MRC2: variants seen among roughly 807,000 people sequenced by gnomAD.
The protein encoded by MRC2 is mannose receptor C-type 2, also known as C-type mannose receptor 2.
A neutral mutation model predicts 206.2 loss-of-function variants in MRC2; 84 were observed. That is an observed-to-expected ratio of 0.41 (90% CI 0.34 to 0.49). The LOEUF (loss-of-function observed/expected upper bound fraction) is 0.49, where lower values mean the gene tolerates loss of function less well. Among genes scored for constraint, MRC2 ranks in the 20% least tolerant of loss-of-function variants. The probability of loss-of-function intolerance (pLI) is 0.31; values close to 1 mark genes in which losing one functional copy is unlikely to be tolerated. For missense variants in MRC2, 1,676 were observed against 2,001.5 expected, an observed-to-expected ratio of 0.84 and a Z score of 3.10; for synonymous variants, 798 against 800.0, an observed-to-expected ratio of 1.00 and a Z score of 0.04.
At chr17:62,688,451 C>G (rs367762623) in intron 21 of MRC2, 48 bp downstream of exon 21, 3 of 1,614,018 alleles carry the variant, frequency 1.9e-6, no homozygotes. Flanking sequence ...ACACTGTCCC[C>G]CCAAATAGCT....
In MRC2 at chr17:62,664,435, A is replaced by G; in HGVS notation, c.119-113A>G. Reference sequence around the variant, plus strand: ...TACCGAGTGATTTAACGTATGAGTGACGGCTCACCATCCTGCACTGGGCAC... The same window carrying G: ...TACCGAGTGATTTAACGTATGAGTGGCGGCTCACCATCCTGCACTGGGCAC... On this transcript the variant is annotated intron_variant, in intron 1 of 29. Transcript: ENST00000303375. This position sits in a 1 kb window ranked among gnomAD's most constrained non-coding sequence, Gnocchi z 4.7. 8.3e-7 allele frequency: 1 copy of G among 1,203,912 alleles called. No individual in the cohort carries two copies. The highest frequency in any genetic ancestry group is 1.2e-6 in the Non-Finnish European group (1 of 857,756). 74.6% of individuals were successfully genotyped at this position (1,203,912 alleles called of 1,614,324 possible). A position where few individuals can be genotyped will look rare whatever the true frequency, so the allele number is the denominator to read the frequency against.
rs765233363 is a variant in MRC2, at chr17:62,689,975, G to A, written c.3655G>A (p.Gly1219Ser). ...WQDGEPQQPG[G>S]CTYVDVDGAW... ...GGACGGGGAGCCGCAGCAGCCGGGG[G>A]GCTGTACCTACGTAGATGTGGACGG... is the stretch of plus-strand genomic sequence containing the variant. Residue 1219 changes from glycine (G) to serine (S), a missense_variant, in exon 25 of 30, where the codon GGC (glycine) becomes AGC (serine). Gly to Ser is a moderately conservative substitution (Grantham distance 56). Transcript: ENST00000303375. 1.2e-6 allele frequency: 2 copies of A among 1,612,710 alleles called. No homozygotes were observed. The highest frequency in any genetic ancestry group is 1.7e-5 in the Admixed American group (1 of 59,984).
At chr17:62,632,124 G>C (rs956328967) in intron 1 of MRC2, among the ~76,000 whole-genome samples, 18 of 152,056 alleles carry the variant, frequency 1.2e-4, no homozygotes, top group Non-Finnish European at 5.9e-5. Flanking sequence ...GGGCCCTGCA[G>C]ATCTGTCACT....
intron 8 of MRC2, among the ~76,000 whole-genome samples, chr17:62,673,257 TG>T (rs1050809857): frequency 1.3e-5 from 2 of 152,112 alleles, no homozygotes; most frequent in Admixed American, 1.3e-4. Flanking sequence ...TACTGCTGGC[TG>T]GGGGCCTGTG....
At chr17:62,632,343 C>CG (rs2088251454) in intron 1 of MRC2, among the ~76,000 whole-genome samples, 1 of 152,154 alleles carries the variant, frequency 6.6e-6, no homozygotes, top group South Asian at 2.1e-4. Flanking sequence ...TCTCTCCTTC[C>CG]GCCGCTGGGC....
In MRC2 at chr17:62,693,092, G is replaced by A. The variant is rs1223957635; in HGVS notation, c.*641G>A. ...GTTGGGCCTGAGAACCAGGGCACGG[G>A]TGTGGTGTCTGCTGGGCTGGAGATA... On this transcript the variant is annotated 3_prime_UTR_variant, in exon 30 of 30. Coordinates refer to ENST00000303375, the MANE Select transcript of MRC2 (RefSeq NM_006039.5). 1 of 153,200 alleles carries A rather than the reference G, an allele frequency of 6.5e-6. No individual in the cohort carries two copies. Among genetic ancestry groups the A allele is most frequent in the Non-Finnish European group, 1.5e-5 (1 of 68,492 alleles). 9.5% of individuals were successfully genotyped at this position (153,200 alleles called of 1,614,324 possible). A position where few individuals can be genotyped will look rare whatever the true frequency, so the allele number is the denominator to read the frequency against.
intron 6 of MRC2, among the ~76,000 whole-genome samples, chr17:62,668,741 C>A (rs1317432786): frequency 6.6e-6 from 1 of 152,074 alleles, no homozygotes; most frequent in Non-Finnish European, 1.5e-5. Context: ...GATGTTTAAG[C>A]CAGGGAGTGT....
At chr17:62,674,528 G>T (rs1041143200) in intron 9 of MRC2, among the ~76,000 whole-genome samples, 9 of 152,180 alleles carry the variant, frequency 5.9e-5, no homozygotes, top group Admixed American at 4.6e-4. Context: ...CCGAAGTGAA[G>T]TGTGGCCCCT....
chr17:62,684,652 T>C (rs150627932), intron 20 of MRC2, among the ~76,000 whole-genome samples: 28 of 152,340 alleles, frequency 1.8e-4, no homozygotes, highest in African/African-American at 6.7e-4. Context: ...GTCATTTTCC[T>C]TGTTATGTGC....
rs1555679428 is a variant in MRC2, at chr17:62,680,509, TG to T, written c.2473+60del. On this transcript the variant is annotated intron_variant, in intron 16 of 29. Transcript: ENST00000303375. This position sits in a 1 kb window ranked among gnomAD's most constrained non-coding sequence, Gnocchi z 4.8. ...ATCGCGTGGGAGAGGGCGTCAACTC[TG>T]GGGTAAGTCCCGAGAGGCCTGAATG... 2.5e-6 allele frequency: 4 copies of T among 1,606,994 alleles called. No individual in the cohort carries two copies. The highest frequency in any genetic ancestry group is 3.4e-6 in the Non-Finnish European group (4 of 1,174,754).
intron 12 of MRC2, 149 bp from the exon 13 acceptor site, chr17:62,678,353 TGC>T: frequency 9.1e-7 from 1 of 1,095,482 alleles, no homozygotes; most frequent in Non-Finnish European, 1.3e-6. Context: ...CCCAGACCTC[TGC>T]AGATGAACAG....
chr17:62,633,746 TG>T (rs2147426203), intron 1 of MRC2, among the ~76,000 whole-genome samples: 1 of 131,908 alleles, frequency 7.6e-6, no homozygotes, highest in South Asian at 2.5e-4. Context: ...CAGGCTGAGA[TG>T]GGAGGATTGC....
intron 1 of MRC2, among the ~76,000 whole-genome samples, chr17:62,656,720 A>G (rs1274117539): frequency 6.6e-6 from 1 of 152,200 alleles, no homozygotes; most frequent in South Asian, 2.1e-4. Context: ...AATAAGGAGA[A>G]TGGGACAGAA....
chr17:62,690,864 G>C, intron 27 of MRC2, 85 bp from the exon 28 acceptor site: 2 of 1,489,402 alleles, frequency 1.3e-6, no homozygotes, highest in Non-Finnish European at 1.8e-6. Flanking sequence ...GGGGGACAGG[G>C]AGTCGGTTCT....
Position 62,664,578 on chromosome 17 carries a change from G to T in MRC2, c.149G>T (p.Gly50Val). 6.2e-7 allele frequency: 1 copy of T among 1,613,202 alleles called. No homozygotes were observed. Among genetic ancestry groups the T allele is most frequent in the Non-Finnish European group, 8.5e-7 (1 of 1,179,852 alleles). ...EPNVFLIFSH[G>V]LQGCLEAQGG... ...AACGTCTTCCTCATCTTCAGCCATG[G>T]ACTGCAGGGCTGCCTGGAGGCCCAG... The change falls in exon 2 of 30, where the codon GGA becomes GTA. Residue 50 changes from glycine (G) to valine (V), a missense_variant. Gly to Val is a moderately radical substitution (Grantham distance 109). Transcript: ENST00000303375. The surrounding 1 kb of genome is among the most constrained non-coding windows in gnomAD (Gnocchi z 4.7).
intron 1 of MRC2, among the ~76,000 whole-genome samples, chr17:62,631,941 G>A (rs928613472): frequency 5.3e-5 from 8 of 152,094 alleles, no homozygotes; most frequent in Non-Finnish European, 1.0e-4. Flanking sequence ...CCTCCCCACC[G>A]TGTCTCCAGT....
chr17:62,672,167 TC>T lies in MRC2; in HGVS notation c.1461+18del, dbSNP rs1568064167. The T allele has an allele frequency of 6.2e-7, 1 of 1,613,560 alleles. No homozygotes were observed. Among genetic ancestry groups the T allele is most frequent in the East Asian group, 2.2e-5 (1 of 44,846 alleles). ...TCTGGGGCCCGGTGAGATCTCCCTC[TC>T]CCTATCACAGGGCCACAAAATACAC... On this transcript the variant is annotated intron_variant, in intron 8 of 29. Coordinates refer to ENST00000303375, the MANE Select transcript of MRC2 (RefSeq NM_006039.5). This position sits in a 1 kb window ranked among gnomAD's most constrained non-coding sequence, Gnocchi z 4.5.
intron 13 of MRC2, 91 bp from the exon 14 acceptor site, chr17:62,679,709 G>C (rs1489279532): frequency 8.8e-6 from 11 of 1,251,232 alleles, no homozygotes; most frequent in African/African-American, 3.0e-5. Context: ...GGGCTGCCCC[G>C]GTCACAGCTG....
In MRC2 at chr17:62,676,518, C is replaced by G; in HGVS notation, c.1821C>G (p.Asn607Lys). 6.3e-7 allele frequency: 1 copy of G among 1,594,414 alleles called. No homozygotes were observed. The highest frequency in any genetic ancestry group is 2.2e-5 in the East Asian group (1 of 44,602). Residue 607 changes from asparagine to lysine, a missense_variant, in exon 11 of 30, where the codon AAC becomes AAG. This residue lies in a region of MRC2 where 1,354 missense variants were observed against 1,636.6 expected (regional missense o/e 0.83). Coordinates refer to ENST00000303375, the MANE Select transcript of MRC2 (RefSeq NM_006039.5). ...ATGAAGTCATGTACACCCACTGGAA[C>G]CGGGACCAGCCCGGTGAGCCCCTTA... ...SGDEVMYTHW[N>K]RDQPGYSRGG...
Sources: gnomAD v4.1 joint callset for allele counts (sites outside exome capture counted in the v4.1 genomes callset) on GRCh38, gnomAD v4.1.1 for gene constraint, gnomAD v4.1.1 regional missense constraint, Gnocchi (gnomAD v3.1) non-coding constraint, MANE v1.5 for transcripts, NCBI Gene and HGNC (gene_info 2026-07-23, HGNC 2026-07-21) for gene names.